TSPEAR: variants seen among roughly 807,000 people sequenced by gnomAD.
TSPEAR encodes the protein thrombospondin-type laminin G domain and EAR repeat-containing protein.
Under a neutral mutation model 71.6 loss-of-function variants are expected in TSPEAR, and 69 were observed. That is an observed-to-expected ratio of 0.96 (90% CI 0.79 to 1.18). TSPEAR has a LOEUF of 1.18. Among genes scored for constraint, TSPEAR ranks in the 50% most tolerant of loss-of-function variants. The pLI is 0.00. For missense variants in TSPEAR, 971 were observed against 894.9 expected (o/e 1.09, Z -1.09); for synonymous variants, 402 against 387.2 (o/e 1.04, Z -0.45).
intron 11 of TSPEAR, among the ~76,000 whole-genome samples, chr21:44,500,915 C>T (rs1457420754): frequency 6.6e-6 from 1 of 152,200 alleles, no homozygotes; most frequent in Non-Finnish European, 1.5e-5. Flanking sequence ...GCTTTTAACA[C>T]AGGTGGTCGA....
In TSPEAR at chr21:44,499,733, G is replaced by T. The variant is rs587669697; in HGVS notation, c.*50C>A. The T allele has an allele frequency of 1.3e-5, 19 of 1,506,732 alleles. No homozygotes were observed. The East Asian group carries it at 4.9e-4, about 39-fold the overall frequency. 93.3% of individuals were successfully genotyped at this position (1,506,732 alleles called of 1,614,324 possible). On this transcript the variant is annotated 3_prime_UTR_variant, in exon 12 of 12. Transcript: ENST00000323084. The stretch of plus-strand genomic sequence containing the variant: ...TCCAGGGTCAGTTGGGGGAGGTGCT[G>T]GGGTCCCGCCCCACCTGGCCACCCC...
intron 2 of TSPEAR, among the ~76,000 whole-genome samples, chr21:44,565,783 T>G (rs1323784306): frequency 6.6e-6 from 1 of 152,162 alleles, no homozygotes; most frequent in Non-Finnish European, 1.5e-5. Context: ...TAAAAAGCAT[T>G]CATATTGGAA....
chr21:44,692,215 A>G (rs182373912), intron 1 of TSPEAR, among the ~76,000 whole-genome samples: 6 of 152,318 alleles, frequency 3.9e-5, no homozygotes, highest in African/African-American at 1.4e-4. Flanking sequence ...TCAACATGCT[A>G]AACAGCATGT....
At chr21:44,661,822 C>A (rs1361880097) in intron 1 of TSPEAR, among the ~76,000 whole-genome samples, 1 of 152,100 alleles carries the variant, frequency 6.6e-6, no homozygotes, top group Admixed American at 6.6e-5. Flanking sequence ...CCCAAGAACT[C>A]ACTCACTGTC....
At chr21:44,603,686 G>T (rs905473597) in intron 1 of TSPEAR, among the ~76,000 whole-genome samples, 1 of 152,210 alleles carries the variant, frequency 6.6e-6, no homozygotes, top group Non-Finnish European at 1.5e-5. Flanking sequence ...GCAGAGAGAA[G>T]CAGCCTCCTC....
rs1186966332 is a variant in TSPEAR at position 44,695,942 on chromosome 21, A to G, written c.82+15491T>C. ...GGCAGAGCCAAGCAGCTCTCCCTTA[A>G]TCTCAGGATCCTCCAGGCTAGATGA... is the stretch of plus-strand genomic sequence containing the variant. On this transcript the variant is annotated intron_variant, in intron 1 of 11. Coordinates refer to ENST00000323084, the MANE Select transcript of TSPEAR (RefSeq NM_144991.3). The surrounding 1 kb of genome is among the most constrained non-coding windows in gnomAD (Gnocchi z 4.5). Among the ~76,000 whole-genome samples, 1 of 152,166 alleles carries G rather than the reference A, an allele frequency of 6.6e-6. No individual in the cohort carries two copies. Among genetic ancestry groups the G allele is most frequent in the Non-Finnish European group, 1.5e-5 (1 of 68,028 alleles).
intron 7 of TSPEAR, chr21:44,526,050 C>T (rs1345759270): frequency 4.3e-6 from 2 of 469,860 alleles, no homozygotes; most frequent in East Asian, 6.0e-5. Flanking sequence ...TTGAAAATGT[C>T]CATATTCTTT....
At chr21:44,544,057 A>T (rs2053263180) in intron 2 of TSPEAR, among the ~76,000 whole-genome samples, 1 of 152,210 alleles carries the variant, frequency 6.6e-6, no homozygotes, top group Admixed American at 6.5e-5. Context: ...CATTCTTTCC[A>T]GTCCTGCCCA....
chr21:44,575,253 A>C, intron 1 of TSPEAR: 45 of 565,154 alleles, frequency 8.0e-5, no homozygotes, highest in East Asian at 1.3e-4. Context: ...CCCACCTCTC[A>C]TGAGGGTCAG....
At chr21:44,521,070 G>A (rs1601354484) in intron 9 of TSPEAR, among the ~76,000 whole-genome samples, 4 of 152,310 alleles carry the variant, frequency 2.6e-5, no homozygotes. Flanking sequence ...GGAATGAGTC[G>A]CCAGGTCAGG....
chr21:44,600,985 C>A (rs781942192), intron 1 of TSPEAR: 1 of 1,611,520 alleles, frequency 6.2e-7, no homozygotes, highest in South Asian at 1.1e-5. Context: ...CTGCTGCAAG[C>A]CTGTGTACTG....
chr21:44,585,339 T>C (rs1012352998), intron 1 of TSPEAR, among the ~76,000 whole-genome samples: 1 of 152,172 alleles, frequency 6.6e-6, no homozygotes, highest in Admixed American at 6.5e-5. Context: ...CTGGCACTAT[T>C]CTCTCCTTGT....
At chr21:44,639,142 C>G (rs1455629100) in intron 1 of TSPEAR, among the ~76,000 whole-genome samples, 6 of 152,172 alleles carry the variant, frequency 3.9e-5, no homozygotes, top group Non-Finnish European at 8.8e-5. Flanking sequence ...CATTCAGGGT[C>G]CTGGCTCCCT....
intron 2 of TSPEAR, among the ~76,000 whole-genome samples, chr21:44,544,221 C>A (rs77205340): frequency 0.012 from 1,819 of 152,022 alleles, 56 homozygotes; most frequent in African/African-American, 0.042. Flanking sequence ...CTATTTAAGT[C>A]ATATATTATA....
chr21:44,600,996 T>C, intron 1 of TSPEAR: 1 of 1,611,658 alleles, frequency 6.2e-7, no homozygotes, highest in Non-Finnish European at 8.5e-7. Flanking sequence ...CTGTGTACTG[T>C]GTGCCTGTCT....
intron 1 of TSPEAR, chr21:44,579,940 G>A (rs782309913): frequency 1.9e-6 from 3 of 1,614,174 alleles, no homozygotes; most frequent in Non-Finnish European, 2.5e-6. Flanking sequence ...GTCTGCAGCA[G>A]GAGGTGGTGC....
intron 1 of TSPEAR, among the ~76,000 whole-genome samples, chr21:44,585,593 G>A (rs782779030): frequency 3.3e-5 from 5 of 152,030 alleles, no homozygotes; most frequent in African/African-American, 4.8e-5. Flanking sequence ...ATTGGGTTTC[G>A]GTCATTTTCT....
chr21:44,682,777 C>T (rs1986668007), intron 1 of TSPEAR, among the ~76,000 whole-genome samples: 1 of 152,182 alleles, frequency 6.6e-6, no homozygotes, highest in Non-Finnish European at 1.5e-5. Context: ...TGCAGTGTCA[C>T]CAGCCGGAGT....
At chr21:44,552,757 G>GCA (rs1466649847) in intron 2 of TSPEAR, among the ~76,000 whole-genome samples, 2 of 152,166 alleles carry the variant, frequency 1.3e-5, no homozygotes, top group African/African-American at 4.8e-5. Context: ...GCCCCTCCCT[G>GCA]CACACCTGCC....
Sources: allele counts gnomAD v4.1 joint callset (sites outside exome capture counted in the v4.1 genomes callset), GRCh38; gene constraint gnomAD v4.1.1; non-coding constraint Gnocchi (gnomAD v3.1); transcripts MANE v1.5; gene names NCBI Gene and HGNC (gene_info 2026-07-23, HGNC 2026-07-21).